The following SDCCAG8 variants were observed in gnomAD, a reference collection of about 807,000 sequenced individuals.
SDCCAG8 encodes SHH signaling and ciliogenesis regulator SDCCAG8, also known as serologically defined colon cancer antigen 8.
In SDCCAG8, 74 loss-of-function variants were observed where a neutral mutation model predicts 101.8. The ratio of observed to expected loss-of-function variants is 0.73; its 90% CI spans 0.60 to 0.88. The LOEUF is 0.88. Among genes scored for constraint, SDCCAG8 ranks in the 40% least tolerant of loss-of-function variants. SDCCAG8 has a pLI of 0.00. For missense variants in SDCCAG8, 787 were observed against 822.6 expected (o/e 0.96, Z 0.53); for synonymous variants, 281 against 292.9 (o/e 0.96, Z 0.41).
intron 15 of SDCCAG8, among the ~76,000 whole-genome samples, chr1:243,422,048 T>G (rs2081047385): frequency 6.6e-6 from 1 of 151,888 alleles, no homozygotes; most frequent in Non-Finnish European, 1.5e-5. Context: ...AGCCACAGAG[T>G]GGAGAGAAGT....
At chr1:243,339,795 T>G (rs1460385110) in intron 10 of SDCCAG8, among the ~76,000 whole-genome samples, 2 of 152,220 alleles carry the variant, frequency 1.3e-5, no homozygotes, top group Non-Finnish European at 1.5e-5. Context: ...GTAATTGATT[T>G]AAGTTATAAA....
chr1:243,259,647 C>T (rs2067045345), intron 1 of SDCCAG8, among the ~76,000 whole-genome samples: 1 of 151,568 alleles, frequency 6.6e-6, no homozygotes, highest in African/African-American at 2.4e-5. Flanking sequence ...TGGAGAAACC[C>T]TGTCTCTACT....
intron 9 of SDCCAG8, among the ~76,000 whole-genome samples, chr1:243,322,088 T>C (rs2073803723): frequency 6.6e-6 from 1 of 152,278 alleles, no homozygotes; most frequent in Admixed American, 6.5e-5. Context: ...TATTAAGTTC[T>C]TTGAGAAATC....
At chr1:243,357,577 G>A (rs750898561) in intron 12 of SDCCAG8, among the ~76,000 whole-genome samples, 28 of 152,184 alleles carry the variant, frequency 1.8e-4, no homozygotes, top group Non-Finnish European at 4.0e-4. Flanking sequence ...TCAGCTGGGA[G>A]TAATTACCTT....
chr1:243,400,710 A>G (rs1262703330), intron 13 of SDCCAG8, among the ~76,000 whole-genome samples: 1 of 152,200 alleles, frequency 6.6e-6, no homozygotes, highest in Non-Finnish European at 1.5e-5. Context: ...TGACAATTAC[A>G]TAACTAGATT....
At chr1:243,305,457 A>G (rs1254064890) in intron 7 of SDCCAG8, 5 of 152,240 alleles carry the variant, frequency 3.3e-5, no homozygotes, top group African/African-American at 4.8e-5. Context: ...TAAAATTGCA[A>G]TGATAATATA....
intron 17 of SDCCAG8, among the ~76,000 whole-genome samples, chr1:243,493,748 A>G (rs1375550041): frequency 2.0e-5 from 3 of 152,070 alleles, no homozygotes; most frequent in African/African-American, 7.2e-5. Context: ...TCCAGCAGCC[A>G]TATGTGATTA....
At chr1:243,329,802 T>A (rs2074456737) in intron 9 of SDCCAG8, among the ~76,000 whole-genome samples, 1 of 152,204 alleles carries the variant, frequency 6.6e-6, no homozygotes, top group South Asian at 2.1e-4. Flanking sequence ...ATAAAGATAT[T>A]GTAAAAGTGG....
chr1:243,357,196 G>A (rs925068403), intron 12 of SDCCAG8, among the ~76,000 whole-genome samples: 8 of 152,068 alleles, frequency 5.3e-5, no homozygotes, highest in African/African-American at 1.7e-4. Flanking sequence ...TGACTAATAC[G>A]GTGAAATCCC....
chr1:243,449,736 C>A (rs1017226999), intron 16 of SDCCAG8, among the ~76,000 whole-genome samples: 41 of 152,172 alleles, frequency 2.7e-4, no homozygotes, highest in Non-Finnish European at 2.9e-5. Flanking sequence ...TGTTCACTAG[C>A]AGGGTTACCT....
chr1:243,387,381 C>A (rs2078377403), intron 13 of SDCCAG8, among the ~76,000 whole-genome samples: 1 of 152,046 alleles, frequency 6.6e-6, no homozygotes, highest in Non-Finnish European at 1.5e-5. Flanking sequence ...AGTACAAAAC[C>A]TTAAAAATTC....
chr1:243,309,758 G>C (rs1285022105), intron 8 of SDCCAG8, among the ~76,000 whole-genome samples: 3 of 152,210 alleles, frequency 2.0e-5, no homozygotes, highest in Admixed American at 1.3e-4. Context: ...GCTTCCCAAA[G>C]TATTGGGATT....
chr1:243,411,437 G>C (rs1296605846), intron 13 of SDCCAG8, among the ~76,000 whole-genome samples: 1 of 152,042 alleles, frequency 6.6e-6, no homozygotes, highest in Non-Finnish European at 1.5e-5. Flanking sequence ...CAGCTTTATT[G>C]GGGTAAATTT....
chr1:243,459,261 C>T (rs1450989315), intron 16 of SDCCAG8, among the ~76,000 whole-genome samples: 5 of 152,104 alleles, frequency 3.3e-5, no homozygotes, highest in Non-Finnish European at 7.4e-5. Context: ...AGTGTGGCCA[C>T]AGCTGCACAG....
intron 8 of SDCCAG8, among the ~76,000 whole-genome samples, chr1:243,313,243 G>T (rs963108399): frequency 6.6e-6 from 1 of 152,094 alleles, no homozygotes; most frequent in African/African-American, 2.4e-5. Flanking sequence ...TTTAAAAACG[G>T]TGTAGTAACA....
intron 16 of SDCCAG8, among the ~76,000 whole-genome samples, chr1:243,442,289 C>A (rs1413484858): frequency 6.6e-6 from 1 of 152,132 alleles, no homozygotes; most frequent in East Asian, 1.9e-4. Context: ...TGTAATTGAA[C>A]AATAAAAATG....
At chr1:243,409,998 G>A (rs2080059893) in intron 13 of SDCCAG8, among the ~76,000 whole-genome samples, 1 of 152,122 alleles carries the variant, frequency 6.6e-6, no homozygotes, top group Non-Finnish European at 1.5e-5. Flanking sequence ...TGTGATTTTT[G>A]CCATTAAAAG....
intron 6 of SDCCAG8, among the ~76,000 whole-genome samples, chr1:243,299,320 T>C (rs1291183290): frequency 6.6e-6 from 1 of 152,222 alleles, no homozygotes; most frequent in African/African-American, 2.4e-5. Flanking sequence ...CTTTTAACTT[T>C]TAACCTATTT....
chr1:243,276,735 C>G (rs921466024), intron 4 of SDCCAG8, among the ~76,000 whole-genome samples: 1 of 152,132 alleles, frequency 6.6e-6, no homozygotes, highest in African/African-American at 2.4e-5. Context: ...TCCACCATTA[C>G]AGTATCATAT....
Sources: gnomAD v4.1 joint callset for allele counts (sites outside exome capture counted in the v4.1 genomes callset) on GRCh38, gnomAD v4.1.1 for gene constraint, MANE v1.5 for transcripts, NCBI Gene and HGNC (gene_info 2026-07-23, HGNC 2026-07-21) for gene names.